The following ELK4 variants were observed in gnomAD, a reference collection of about 807,000 sequenced individuals.
The protein encoded by ELK4 is ETS transcription factor ELK4.
A neutral mutation model predicts 29.6 loss-of-function variants in ELK4; 16 were observed. The observed-to-expected ratio is 0.54, with a 90% CI of 0.37 to 0.82. The LOEUF (loss-of-function observed/expected upper bound fraction) is 0.82. ELK4 is among the 40% of genes least tolerant of loss of function. The probability of loss-of-function intolerance (pLI) is 0.00; values close to 1 mark genes in which losing one functional copy is unlikely to be tolerated. For synonymous variants in ELK4, 213 were observed against 191.1 expected (o/e 1.11, Z -0.95); for missense variants, 465 against 507.1 (o/e 0.92, Z 0.80).
intron 1 of ELK4, among the ~76,000 whole-genome samples, chr1:205,631,431 G>A (rs1228627522): frequency 6.6e-6 from 1 of 151,192 alleles, no homozygotes; most frequent in Non-Finnish European, 1.5e-5. Flanking sequence ...GACGAGAGCT[G>A]AGCGGTGCGC....
rs535502997 is a variant in ELK4 at position 205,616,196 on chromosome 1, T to A, written c.*350A>T. 1.1e-5 allele frequency: 3 copies of A among 265,122 alleles called. No homozygotes were observed. In the South Asian group the frequency reaches 3.4e-4, roughly 30 times the overall value. 16.4% of individuals were successfully genotyped at this position (265,122 alleles called of 1,614,324 possible). On this transcript the variant is annotated 3_prime_UTR_variant, in exon 5 of 5. Coordinates refer to ENST00000357992, the MANE Select transcript of ELK4 (RefSeq NM_001973.4). ...CCAATAGCCAGAAGGAGTAACTTTG[T>A]TCTTAATTGCTTTTGCAAAGCACAG...
intron 4 of ELK4, 79 bp from the exon 5 acceptor site, chr1:205,616,723 G>A: frequency 8.1e-7 from 1 of 1,230,876 alleles, no homozygotes; most frequent in South Asian, 1.4e-5. Context: ...TATTACCTGA[G>A]GCAAAACACA....
chr1:205,625,516 A>T, intron 1 of ELK4: 1 of 750,866 alleles, frequency 1.3e-6, no homozygotes, highest in Non-Finnish European at 2.5e-6. Flanking sequence ...GCATCCGTTC[A>T]AGAAACGGGC....
chr1:205,624,620 A>C (rs1670417170), intron 1 of ELK4, among the ~76,000 whole-genome samples: 1 of 152,212 alleles, frequency 6.6e-6, no homozygotes, highest in East Asian at 1.9e-4. Flanking sequence ...AAATATTTTA[A>C]TATCTTAAGT....
At chr1:205,627,584 C>T (rs1381807494) in intron 1 of ELK4, among the ~76,000 whole-genome samples, 1 of 151,706 alleles carries the variant, frequency 6.6e-6, no homozygotes, top group African/African-American at 2.4e-5. Context: ...GCATATTACA[C>T]CTAAGGAGGT....
In ELK4 at chr1:205,613,073, TAA is replaced by T. The variant is rs35809708; in HGVS notation, c.*3471_*3472del. The T allele has an allele frequency of 3.6e-3, 644 of 180,818 alleles. No individual in the cohort carries two copies. The highest frequency in any genetic ancestry group is 8.3e-3 in the East Asian group (91 of 10,940). The allele number at this position is 180,818 out of a possible 1,614,324, so 11.2% of individuals were successfully genotyped here. A position where few individuals can be genotyped will look rare whatever the true frequency, so the allele number is the denominator to read the frequency against. On this transcript the variant is annotated 3_prime_UTR_variant, in exon 5 of 5. Coordinates refer to ENST00000357992, the MANE Select transcript of ELK4 (RefSeq NM_001973.4). ...AATCCAGATTGTTTGTGCATACATT[TAA>T]AAAAAAAAAAATCAATGGAAATTTC... is the stretch of plus-strand genomic sequence containing the variant.
intron 2 of ELK4, 139 bp downstream of exon 2, chr1:205,623,537 A>C: frequency 1.1e-6 from 1 of 873,672 alleles, no homozygotes; most frequent in Non-Finnish European, 1.8e-6. Context: ...CTGGTCTTGA[A>C]CTCCTGACCT....
intron 1 of ELK4, among the ~76,000 whole-genome samples, chr1:205,625,032 A>AC (rs915367914): frequency 5.4e-5 from 8 of 148,700 alleles, no homozygotes; most frequent in African/African-American, 2.0e-4. Flanking sequence ...TCACACACAC[A>AC]AAAAAAAACA....
intron 1 of ELK4, among the ~76,000 whole-genome samples, chr1:205,631,308 C>A (rs1454052507): frequency 6.6e-6 from 1 of 152,216 alleles, no homozygotes; most frequent in African/African-American, 2.4e-5. Flanking sequence ...ACTGTACTTT[C>A]ATTTTCCAAC....
At position 205,616,436 on chromosome 1, in the gene ELK4, C is replaced by G; in HGVS notation, c.*110G>C. ...TTTCAATGGGGAATGGCAAAAATCA[C>G]AATAGTCTATTATCAGCATTGTAGA... On this transcript the variant is annotated 3_prime_UTR_variant, in exon 5 of 5. Coordinates refer to ENST00000357992, the MANE Select transcript of ELK4 (RefSeq NM_001973.4). The G allele has an allele frequency of 1.0e-6, 1 of 990,544 alleles. No homozygotes were observed. The highest frequency in any genetic ancestry group is 1.5e-6 in the Non-Finnish European group (1 of 659,410). The allele number at this position is 990,544 out of a possible 1,614,324, so 61.4% of individuals were successfully genotyped here. A position where few individuals can be genotyped will look rare whatever the true frequency, so the allele number is the denominator to read the frequency against.
rs183574998 is a variant in ELK4, at chr1:205,620,548, T to G, written c.498A>C (p.Ile166=). Residue 166 remains isoleucine, a synonymous_variant, in exon 3 of 5, where the codon ATA becomes ATC. Coordinates refer to ENST00000357992, the MANE Select transcript of ELK4 (RefSeq NM_001973.4). ...NSSNVKLFKL[I]KTENPAEKLA... is the part of the protein sequence containing the mutation. ...GTTTCTCGGCTGGATTCTCAGTCTT[T>G]ATCAATTTGAAAAGCTTTACATTGG... 20 of 1,614,200 alleles carry G rather than the reference T, an allele frequency of 1.2e-5. No individual in the cohort carries two copies. The Admixed American group carries it at 2.2e-4, about 17-fold the overall frequency.
chr1:205,631,395 C>T (rs1670582805), intron 1 of ELK4, among the ~76,000 whole-genome samples: 2 of 78,864 alleles, frequency 2.5e-5, no homozygotes, highest in African/African-American at 1.0e-4. Context: ...ACCTTTCGCC[C>T]ACGAGACTTC....
At chr1:205,630,674 AC>A (rs1243202009) in intron 1 of ELK4, among the ~76,000 whole-genome samples, 1 of 152,242 alleles carries the variant, frequency 6.6e-6, no homozygotes, top group Non-Finnish European at 1.5e-5. Context: ...ACTTAAAGAC[AC>A]TACCTCACTA....
At position 205,615,847 on chromosome 1, in the gene ELK4, T is replaced by A. The variant is rs1670225018; in HGVS notation, c.*699A>T. On this transcript the variant is annotated 3_prime_UTR_variant, in exon 5 of 5. Transcript: ENST00000357992. ...CCCAGGTCTAAAAATCTTTCTATAG[T>A]GAAATAGACTAGCTCCATGCTCTGT... 4.7e-6 allele frequency: 1 copy of A among 211,722 alleles called. No homozygotes were observed. The highest frequency in any genetic ancestry group is 5.9e-5 in the Admixed American group (1 of 17,010). 13.1% of individuals were successfully genotyped at this position (211,722 alleles called of 1,614,324 possible). A position where few individuals can be genotyped will look rare whatever the true frequency, so the allele number is the denominator to read the frequency against.
rs779858646 is a variant in ELK4 at position 205,631,753 on chromosome 1, G to T, written c.-131C>A. The T allele has an allele frequency of 7.1e-5, 21 of 294,426 alleles. No individual in the cohort carries two copies. Among genetic ancestry groups the T allele is most frequent in the African/African-American group, 3.1e-4 (14 of 44,624 alleles). 18.2% of individuals were successfully genotyped at this position (294,426 alleles called of 1,614,324 possible). On this transcript the variant is annotated 5_prime_UTR_variant, in exon 1 of 5. Coordinates refer to ENST00000357992, the MANE Select transcript of ELK4 (RefSeq NM_001973.4). Reference sequence around the variant, plus strand: ...CGCGGCAGCCGCTGCGACCCCCGCGGCGGAGCCGTAGAAGGCGGCGGCGGC... The same window carrying T: ...CGCGGCAGCCGCTGCGACCCCCGCGTCGGAGCCGTAGAAGGCGGCGGCGGC...
intron 1 of ELK4, chr1:205,625,854 T>G (rs1489524442): frequency 1.6e-6 from 1 of 617,552 alleles, no homozygotes; most frequent in Non-Finnish European, 2.9e-6. Flanking sequence ...AATTTTTGTA[T>G]TTTTAGTAGA....
chr1:205,631,255 G>A (rs1458668501), intron 1 of ELK4, among the ~76,000 whole-genome samples: 1 of 151,892 alleles, frequency 6.6e-6, no homozygotes, highest in African/African-American at 2.4e-5. Flanking sequence ...CAAAGTCTGG[G>A]GGAAGAGGTG....
chr1:205,620,338 C>T lies in ELK4; in HGVS notation c.708G>A (p.Leu236=), dbSNP rs779314722. 1 of 1,614,100 alleles carries T rather than the reference C, an allele frequency of 6.2e-7. No homozygotes were observed. The highest frequency in any genetic ancestry group is 8.5e-7 in the Non-Finnish European group (1 of 1,180,020). ...ETLVSPKLPS[L]EAPTSASNVM... is the part of the protein sequence containing the mutation. ...CGTTAGAGGCAGAGGTTGGGGCTTCCAGGGAAGGCAGTTTTGGGGAAACCA... is the reference window on the plus strand; with the variant it reads ...CGTTAGAGGCAGAGGTTGGGGCTTCTAGGGAAGGCAGTTTTGGGGAAACCA... The change falls in exon 3 of 5, where the codon CTG becomes CTA. Residue 236 remains leucine (L), a synonymous_variant. Coordinates refer to ENST00000357992, the MANE Select transcript of ELK4 (RefSeq NM_001973.4).
intron 2 of ELK4, among the ~76,000 whole-genome samples, chr1:205,622,530 C>A (rs1670371047): frequency 6.6e-6 from 1 of 151,910 alleles, no homozygotes; most frequent in Non-Finnish European, 1.5e-5. Flanking sequence ...GGCACTGGGA[C>A]TACAGGTGTA....
Sources: gnomAD v4.1 joint callset for allele counts (sites outside exome capture counted in the v4.1 genomes callset) on GRCh38, gnomAD v4.1.1 for gene constraint, MANE v1.5 for transcripts, NCBI Gene and HGNC (gene_info 2026-07-23, HGNC 2026-07-21) for gene names.